DLEC1: variants seen among roughly 807,000 people sequenced by gnomAD.
DLEC1 encodes deleted in lung and esophageal cancer protein 1.
In DLEC1, 146 loss-of-function variants were observed where a neutral mutation model predicts 198.1. The observed-to-expected ratio is 0.74, with a 90% CI of 0.64 to 0.85. The LOEUF is 0.85. DLEC1 is among the 40% of genes least tolerant of loss of function. The pLI, the probability that DLEC1 is intolerant of heterozygous loss-of-function variation, is 0.00. For synonymous variants in DLEC1, 897 were observed against 866.8 expected (o/e 1.03, Z -0.61); for missense variants, 2,233 against 2,220.0 (o/e 1.01, Z -0.12).
Position 38,122,485 on chromosome 3 carries a change from TCAGCACAAAGACA to T in DLEC1, c.*77_*89del. On this transcript the variant is annotated 3_prime_UTR_variant, in exon 37 of 37. Coordinates refer to ENST00000308059, the MANE Select transcript of DLEC1 (RefSeq NM_007335.4). ...TTGCCCAGGGATTAGGAGCAGCTCTTCAGCACAAAGACACAGACTTGGGGACCTGGGGACCTCT... is the reference window on the plus strand; with the variant it reads ...TTGCCCAGGGATTAGGAGCAGCTCTTCAGACTTGGGGACCTGGGGACCTCT... 1 of 1,613,388 alleles carries T rather than the reference TCAGCACAAAGACA, an allele frequency of 6.2e-7. No homozygotes were observed. The highest frequency in any genetic ancestry group is 1.1e-5 in the South Asian group (1 of 90,680).
At chr3:38,046,817 C>A (rs570061403) in intron 2 of DLEC1, among the ~76,000 whole-genome samples, 16 of 151,700 alleles carry the variant, frequency 1.1e-4, no homozygotes, top group African/African-American at 3.9e-4. Context: ...TCCAGGAAGT[C>A]ATGTCACATG....
intron 2 of DLEC1, among the ~76,000 whole-genome samples, chr3:38,054,416 C>A (rs1373352901): frequency 6.6e-6 from 1 of 152,176 alleles, no homozygotes; most frequent in African/African-American, 2.4e-5. Flanking sequence ...CAGTGTTTCA[C>A]AGATGTTGAC....
chr3:38,108,156 C>A (rs776804717), intron 20 of DLEC1, among the ~76,000 whole-genome samples: 97 of 152,222 alleles, frequency 6.4e-4, no homozygotes, highest in Non-Finnish European at 1.1e-3. Flanking sequence ...TCCCTCGGGG[C>A]CTTCAAGGGC....
intron 30 of DLEC1, 31 bp from the exon 31 acceptor site, chr3:38,117,177 G>A (rs1700221395): frequency 6.2e-7 from 1 of 1,614,138 alleles, no homozygotes; most frequent in Non-Finnish European, 8.5e-7. Flanking sequence ...TCAGCCCAGG[G>A]ATCAGCTGTG....
chr3:38,109,519 C>G lies in DLEC1; in HGVS notation c.3217C>G (p.Leu1073Val), dbSNP rs1425531853. 1.2e-6 allele frequency: 2 copies of G among 1,614,122 alleles called. No homozygotes were observed. The highest frequency in any genetic ancestry group is 2.7e-5 in the African/African-American group (2 of 74,944). The part of the protein sequence containing the change: ...VLGISGKPQG[L>V]QVAITISKES... ...AGGCATTTCTGGGAAGCCCCAGGGA[C>G]TGCAAGTGGCCATTACCATCTCTAA... is the stretch of plus-strand genomic sequence containing the variant. Residue 1073 changes from leucine to valine, a missense_variant, in exon 22 of 37, where the codon CTG becomes GTG. By Grantham distance (32) the Leu-to-Val change is conservative. Coordinates refer to ENST00000308059, the MANE Select transcript of DLEC1 (RefSeq NM_007335.4).
intron 6 of DLEC1, among the ~76,000 whole-genome samples, chr3:38,079,424 A>G (rs62240707): frequency 0.32 from 47,948 of 151,764 alleles, 7,831 homozygotes; most frequent in East Asian, 0.54. Flanking sequence ...TGGAGTGGGT[A>G]GCCTCCGTAT....
At chr3:38,080,377 G>A (rs754927309) in intron 6 of DLEC1, among the ~76,000 whole-genome samples, 10 of 152,170 alleles carry the variant, frequency 6.6e-5, no homozygotes. Context: ...AAGACTCAAT[G>A]ATGCTTGGGG....
chr3:38,055,443 C>T (rs961900727), intron 2 of DLEC1, among the ~76,000 whole-genome samples: 2 of 152,164 alleles, frequency 1.3e-5, no homozygotes, highest in East Asian at 1.9e-4. Flanking sequence ...CAGTGGGAGC[C>T]GGAAGCCATG....
chr3:38,045,415 G>A (rs1016715549), intron 1 of DLEC1, 128 bp from the exon 2 acceptor site: 9 of 1,280,752 alleles, frequency 7.0e-6, no homozygotes, highest in Non-Finnish European at 9.4e-6. Context: ...CAGACCAGAT[G>A]GTTGGAATAG....
chr3:38,086,130 G>A (rs956016434), intron 8 of DLEC1, 111 bp from the exon 9 acceptor site: 12 of 1,445,654 alleles, frequency 8.3e-6, no homozygotes, highest in Non-Finnish European at 1.1e-5. Context: ...TAGGGTGCTG[G>A]GCTGGGACCA....
At chr3:38,086,146 C>T (rs988913902) in intron 8 of DLEC1, 95 bp from the exon 9 acceptor site, 130 of 1,503,900 alleles carry the variant, frequency 8.6e-5, no homozygotes, top group Non-Finnish European at 1.1e-4. Context: ...GACCAGCTGT[C>T]CTGATCTCTG....
intron 19 of DLEC1, among the ~76,000 whole-genome samples, chr3:38,106,659 G>A (rs1366472321): frequency 6.6e-6 from 1 of 151,420 alleles, no homozygotes; most frequent in Non-Finnish European, 1.5e-5. Context: ...GGGAGGCTGA[G>A]GCAGTAGAAT....
Position 38,083,060 on chromosome 3 carries a change from T to C in DLEC1, c.1174-1098T>C, listed in dbSNP as rs796887702. On this transcript the variant is annotated intron_variant, in intron 6 of 36. Transcript: ENST00000308059. Reference sequence around the variant, plus strand: ...CACCAAGATTGAAAGGAGAAAGAGGTTGAGGGATAGTGAGGGAGGTTGGAG... The same window carrying C: ...CACCAAGATTGAAAGGAGAAAGAGGCTGAGGGATAGTGAGGGAGGTTGGAG... 7.5e-4 allele frequency among the ~76,000 whole-genome samples: 112 copies of C among 149,662 alleles called. 2 individuals carry two copies. The highest frequency in any genetic ancestry group is 7.1e-3 in the Admixed American group (107 of 15,088).
intron 27 of DLEC1, 47 bp from the exon 28 acceptor site, chr3:38,116,406 G>A (rs764200523): frequency 6.2e-7 from 1 of 1,606,024 alleles, no homozygotes. Flanking sequence ...CCGGGGGGTT[G>A]TCTGCTCCTC....
At chr3:38,120,307 T>A in intron 33 of DLEC1, 141 bp from the exon 34 acceptor site, 1 of 902,804 alleles carries the variant, frequency 1.1e-6, no homozygotes, top group Non-Finnish European at 1.8e-6. Context: ...GCTTGTGGAA[T>A]GAAAGCACCA....
intron 6 of DLEC1, among the ~76,000 whole-genome samples, chr3:38,083,430 G>C (rs1441791685): frequency 6.6e-6 from 1 of 152,144 alleles, no homozygotes; most frequent in Non-Finnish European, 1.5e-5. Context: ...CCAGGAAAAG[G>C]ACTTTCATAA....
In DLEC1 at chr3:38,115,187, C is replaced by T. The variant is rs567065351; in HGVS notation, c.3856+134C>T. On this transcript the variant is annotated intron_variant, in intron 27 of 36. Coordinates refer to ENST00000308059, the MANE Select transcript of DLEC1 (RefSeq NM_007335.4). ...CAGGTGTCCAGGGGGCCTGTGGTTA[C>T]GGAAGTGTGGATGGGCCCACAGATG... 8.5e-5 allele frequency: 77 copies of T among 907,634 alleles called. No individual in the cohort carries two copies. The Admixed American group carries it at 1.0e-3, about 12-fold the overall frequency. The allele number at this position is 907,634 out of a possible 1,614,324, so 56.2% of individuals were successfully genotyped here. A position where few individuals can be genotyped will look rare whatever the true frequency, so the allele number is the denominator to read the frequency against.
At chr3:38,077,408 G>A (rs1310474609) in intron 6 of DLEC1, among the ~76,000 whole-genome samples, 1 of 152,204 alleles carries the variant, frequency 6.6e-6, no homozygotes, top group Non-Finnish European at 1.5e-5. Context: ...AGCATTCCGA[G>A]GACAGGTCTG....
chr3:38,061,665 GTTGT>G (rs560650872), intron 3 of DLEC1, among the ~76,000 whole-genome samples: 30 of 152,176 alleles, frequency 2.0e-4, no homozygotes, highest in African/African-American at 2.6e-4. Flanking sequence ...AAATTTTGTT[GTTGT>G]TTGTTTGTTT....
Sources: allele counts gnomAD v4.1 joint callset (sites outside exome capture counted in the v4.1 genomes callset), GRCh38; gene constraint gnomAD v4.1.1; transcripts MANE v1.5; gene names NCBI Gene and HGNC (gene_info 2026-07-23, HGNC 2026-07-21).